GINS1: variants seen among roughly 807,000 people sequenced by gnomAD.
GINS1 encodes the protein DNA replication complex GINS protein PSF1.
GINS1 carries 26 observed loss-of-function variants against 34.9 expected under a neutral mutation model. The ratio of observed to expected loss-of-function variants is 0.74; its 90% CI spans 0.55 to 1.03. The LOEUF is 1.03. GINS1 is among the 50% of genes least tolerant of loss of function. The pLI is 0.00. For missense variants in GINS1, 235 were observed against 237.9 expected, an observed-to-expected ratio of 0.99 and a Z score of 0.08; for synonymous variants, 97 against 84.4, an observed-to-expected ratio of 1.15 and a Z score of -0.82.
At chr20:25,426,427 T>A (rs1057380617) in intron 5 of GINS1, among the ~76,000 whole-genome samples, 1 of 151,714 alleles carries the variant, frequency 6.6e-6, no homozygotes, top group African/African-American at 2.4e-5. Context: ...GCCGGGCACA[T>A]GCCTGTAATC....
At position 25,425,405 on chromosome 20, in the gene GINS1, A is replaced by G. The variant is rs562682682; in HGVS notation, c.447+78A>G. ...CTTTTAAGAAGAGAGGAGTATATGA[A>G]TATGTGTTAGCTTCTATTAAAATAG... On this transcript the variant is annotated intron_variant, in intron 5 of 6. Transcript: ENST00000262460. The G allele has an allele frequency of 3.5e-5, 24 of 682,368 alleles. No individual in the cohort carries two copies. The East Asian group carries it at 5.3e-4, about 15-fold the overall frequency. 42.3% of individuals were successfully genotyped at this position (682,368 alleles called of 1,614,324 possible). A position where few individuals can be genotyped will look rare whatever the true frequency, so the allele number is the denominator to read the frequency against.
At chr20:25,435,010 C>T (rs2090446684) in intron 5 of GINS1, among the ~76,000 whole-genome samples, 1 of 152,202 alleles carries the variant, frequency 6.6e-6, no homozygotes. Context: ...AAAGTCCTCA[C>T]CTCCCAACAC....
At position 25,423,452 on chromosome 20, in the gene GINS1, CTTTTTTTTTTTTTTTTTTTTTTTTT is replaced by C. The variant is rs1159340467; in HGVS notation, c.331-1749_331-1725del. Reference sequence around the variant, plus strand: ...AAGGTTATTAAGATATTTTTCTTTTCTTTTTTTTTTTTTTTTTTTTTTTTTTTTTTTTTTGAGACGGCATCTCACT... The same window carrying C: ...AAGGTTATTAAGATATTTTTCTTTTCTTTTTTTTTGAGACGGCATCTCACT... On this transcript the variant is annotated intron_variant, in intron 4 of 6. Coordinates refer to ENST00000262460, the MANE Select transcript of GINS1 (RefSeq NM_021067.5). Among the ~76,000 whole-genome samples the C allele has an allele frequency of 1.8e-3, 55 of 29,996 alleles. 2 individuals are homozygous for C. Among genetic ancestry groups the C allele is most frequent in the South Asian group, 2.4e-3 (1 of 418 alleles). 19.7% of individuals were successfully genotyped at this position (29,996 alleles called of 152,430 possible).
At chr20:25,444,907 T>C (rs2090502625) in intron 6 of GINS1, among the ~76,000 whole-genome samples, 1 of 152,230 alleles carries the variant, frequency 6.6e-6, no homozygotes, top group Non-Finnish European at 1.5e-5. Flanking sequence ...TTGTCACTTG[T>C]TATTAGAAGA....
At chr20:25,416,726 C>T (rs1002215982) in intron 2 of GINS1, among the ~76,000 whole-genome samples, 3 of 152,132 alleles carry the variant, frequency 2.0e-5, no homozygotes, top group Admixed American at 2.0e-4. Context: ...TGTAGAATAG[C>T]GACATGACGT....
chr20:25,428,485 G>A (rs1002316507), intron 5 of GINS1, among the ~76,000 whole-genome samples: 1 of 130,806 alleles, frequency 7.6e-6, no homozygotes, highest in African/African-American at 2.9e-5. Context: ...CTCACTGCAA[G>A]CTCTGCCTCC....
chr20:25,444,130 G>C (rs2090498416), intron 6 of GINS1, among the ~76,000 whole-genome samples: 1 of 151,878 alleles, frequency 6.6e-6, no homozygotes, highest in South Asian at 2.1e-4. Flanking sequence ...TCCTGCCTCA[G>C]CCTCTCGAGT....
chr20:25,435,121 A>G (rs1225392171), intron 5 of GINS1, among the ~76,000 whole-genome samples: 1 of 152,188 alleles, frequency 6.6e-6, no homozygotes, highest in East Asian at 1.9e-4. Context: ...ACATGGGTTC[A>G]AGTTACTATC....
At chr20:25,408,217 G>C (rs1378356092) in intron 1 of GINS1, among the ~76,000 whole-genome samples, 3 of 152,198 alleles carry the variant, frequency 2.0e-5, no homozygotes, top group Non-Finnish European at 2.9e-5. Flanking sequence ...ATCGTGGTCA[G>C]TAAAAGCTAG....
At position 25,428,976 on chromosome 20, in the gene GINS1, T is replaced by C. The variant is rs1163654420; in HGVS notation, c.447+3649T>C. Among the ~76,000 whole-genome samples, 5 of 2,362 alleles carry C rather than the reference T, an allele frequency of 2.1e-3. 1 individual carries two copies. The highest frequency in any genetic ancestry group is 0.015 in the African/African-American group (5 of 326). The allele number at this position is 2,362 out of a possible 152,430, so 1.5% of individuals were successfully genotyped here. A position where few individuals can be genotyped will look rare whatever the true frequency, so the allele number is the denominator to read the frequency against. ...CCACCTTCATTCCTCTCTCTTTTTTTTTTTTTTTTTTTTTTTTTTTTTTTT... is the reference window on the plus strand; with the variant it reads ...CCACCTTCATTCCTCTCTCTTTTTTCTTTTTTTTTTTTTTTTTTTTTTTTT... On this transcript the variant is annotated intron_variant, in intron 5 of 6. Transcript: ENST00000262460.
At chr20:25,423,987 T>A (rs1322505546) in intron 4 of GINS1, among the ~76,000 whole-genome samples, 1 of 152,202 alleles carries the variant, frequency 6.6e-6, no homozygotes, top group Non-Finnish European at 1.5e-5. Flanking sequence ...GATTAAGTTT[T>A]GTGTATACTA....
chr20:25,432,333 C>A (rs1339309724), intron 5 of GINS1, among the ~76,000 whole-genome samples: 1 of 149,318 alleles, frequency 6.7e-6, no homozygotes, highest in East Asian at 2.0e-4. Flanking sequence ...TTTTTTGAGA[C>A]GGAGTCTCAC....
intron 5 of GINS1, among the ~76,000 whole-genome samples, chr20:25,431,116 GTTCTTAATCATTCAGTCTT>G (rs941722505): frequency 2.6e-4 from 39 of 152,084 alleles, no homozygotes; most frequent in African/African-American, 9.4e-4. Flanking sequence ...CAATTTACTA[GTTCTTAATCATTCAGTCTT>G]TGTAGGTTTG....
intron 4 of GINS1, among the ~76,000 whole-genome samples, chr20:25,422,167 T>C (rs1717760452): frequency 6.6e-6 from 1 of 152,162 alleles, no homozygotes; most frequent in Non-Finnish European, 1.5e-5. Context: ...GGAATTCCCA[T>C]GTATCCATCA....
At chr20:25,422,225 C>T (rs1163837296) in intron 4 of GINS1, among the ~76,000 whole-genome samples, 2 of 152,034 alleles carry the variant, frequency 1.3e-5, no homozygotes, top group East Asian at 3.9e-4. Flanking sequence ...GTCCCTCCTC[C>T]CAGTGATCAC....
At chr20:25,431,329 T>G (rs1187880025) in intron 5 of GINS1, among the ~76,000 whole-genome samples, 1 of 152,130 alleles carries the variant, frequency 6.6e-6, no homozygotes, top group Non-Finnish European at 1.5e-5. Context: ...GTTTGTAAAT[T>G]TTGTTGACCT....
In GINS1 at chr20:25,447,650, T is replaced by A. The variant is rs970482389; in HGVS notation, c.*1659T>A. The A allele has an allele frequency of 5.9e-5, 9 of 152,244 alleles. No homozygotes were observed. The highest frequency in any genetic ancestry group is 2.2e-4 in the African/African-American group (9 of 41,456). The allele number at this position is 152,244 out of a possible 1,614,324, so 9.4% of individuals were successfully genotyped here. On this transcript the variant is annotated 3_prime_UTR_variant, in exon 7 of 7. Coordinates refer to ENST00000262460, the MANE Select transcript of GINS1 (RefSeq NM_021067.5). ...TGTCATATTTTTGCTGTTGTTTGTA[T>A]TTTTTGTAGAGATGGGGTTTCACCG...
intron 2 of GINS1, among the ~76,000 whole-genome samples, chr20:25,416,151 TG>T (rs1196715639): frequency 6.6e-6 from 1 of 151,898 alleles, no homozygotes; most frequent in East Asian, 1.9e-4. Context: ...GGCTGAGAGG[TG>T]GGGGAAGCTG....
At chr20:25,444,844 C>A (rs796664706) in intron 6 of GINS1, among the ~76,000 whole-genome samples, 3 of 152,302 alleles carry the variant, frequency 2.0e-5, no homozygotes, top group African/African-American at 7.2e-5. Context: ...GTGAATAGCA[C>A]CCACGCGGTG....
Sources: allele counts gnomAD v4.1 joint callset (sites outside exome capture counted in the v4.1 genomes callset), GRCh38; gene constraint gnomAD v4.1.1; transcripts MANE v1.5; gene names NCBI Gene and HGNC (gene_info 2026-07-23, HGNC 2026-07-21).